Variants in CSPG4 observed in about 807,000 individuals in gnomAD.
CSPG4 encodes chondroitin sulfate proteoglycan 4, also known as chondroitin sulfate proteoglycan 4 (melanoma-associated).
In CSPG4, 74 loss-of-function variants were observed where a neutral mutation model predicts 139.3. That is an observed-to-expected ratio of 0.53 (90% CI 0.44 to 0.64). CSPG4 has a LOEUF of 0.64. Among genes scored for constraint, CSPG4 ranks in the 30% least tolerant of loss-of-function variants. The pLI is 0.00. For missense variants in CSPG4, 2,565 were observed against 3,148.3 expected, an observed-to-expected ratio of 0.81 and a Z score of 4.43; for synonymous variants, 1,234 against 1,394.2, an observed-to-expected ratio of 0.89 and a Z score of 2.56.
intron 5 of CSPG4, among the ~76,000 whole-genome samples, chr15:75,683,859 A>G (rs1005630166): frequency 6.6e-6 from 1 of 152,068 alleles, no homozygotes; most frequent in African/African-American, 2.4e-5. Context: ...GCGGGGCAGG[A>G]CCCCAGCACT....
rs1894135219 is a variant in CSPG4 at position 75,689,890 on chromosome 15, T to C, written c.1175A>G (p.Tyr392Cys). 18 of 1,612,140 alleles carry C rather than the reference T, an allele frequency of 1.1e-5. No individual in the cohort carries two copies. The highest frequency in any genetic ancestry group is 1.3e-5 in the African/African-American group (1 of 74,934). The change falls in exon 3 of 10, where the codon TAT becomes TGT. Residue 392 changes from tyrosine to cysteine, a missense_variant. By Grantham distance (194) the Tyr-to-Cys change is radical. Around this residue, in one of 5 missense-constraint regions of CSPG4, gnomAD observed 2,316 missense variants for 2,818.2 expected, o/e 0.82. Transcript: ENST00000308508. ...GGTGGAGAAAGCTTCATAATGTCCA[T>C]AGGCATCGTCCTCATACTCCTCCTC... ...LEEEEYEDDA[Y>C]GHYEAFSTLA...
At position 75,677,023 on chromosome 15, in the gene CSPG4, G is replaced by A; in HGVS notation, c.5496C>T (p.Pro1832=). 1 of 1,437,474 alleles carries A rather than the reference G, an allele frequency of 7.0e-7. No individual in the cohort carries two copies. Among genetic ancestry groups the A allele is most frequent in the South Asian group, 1.5e-5 (1 of 65,772 alleles). 89.0% of individuals were successfully genotyped at this position (1,437,474 alleles called of 1,614,324 possible). A position where few individuals can be genotyped will look rare whatever the true frequency, so the allele number is the denominator to read the frequency against. ...AITVRDVNER[P]PQPQASVPLR... is the part of the protein sequence containing the mutation. ...GTGGGACAGAGGCCTGTGGCTGAGG[G>A]GGCCGCTCATTTACATCCCTCACCG... The change falls in exon 10 of 10, where the codon CCC becomes CCT. Residue 1832 remains proline, a synonymous_variant. Coordinates refer to ENST00000308508, the MANE Select transcript of CSPG4 (RefSeq NM_001897.5).
In CSPG4 at chr15:75,683,024, A is replaced by G. The variant is rs1200267238; in HGVS notation, c.4467T>C (p.Thr1489=). ...TCAGAGCCTCCGCAGGGATGGGCGC[A>G]GTGGCCCCCTCCCACATCTGGGAAC... ...NTGLQMWEGA[T]APIPAEALRS... Residue 1489 remains threonine, a synonymous_variant, in exon 6 of 10, where the codon ACT becomes ACC. Transcript: ENST00000308508. 3 of 1,610,446 alleles carry G rather than the reference A, an allele frequency of 1.9e-6. No individual in the cohort carries two copies. The East Asian group carries it at 6.7e-5, about 36-fold the overall frequency.
chr15:75,700,092 A>C (rs1596012577), intron 1 of CSPG4, among the ~76,000 whole-genome samples: 1 of 152,066 alleles, frequency 6.6e-6, no homozygotes, highest in East Asian at 1.9e-4. Context: ...AGGCTCAGAG[A>C]GGGCAGTCCT....
intron 1 of CSPG4, among the ~76,000 whole-genome samples, chr15:75,709,325 G>A (rs1894414729): frequency 6.6e-6 from 1 of 152,148 alleles, no homozygotes; most frequent in Non-Finnish European, 1.5e-5. Context: ...CATGTTGGAG[G>A]CAAGAGGAGA....
chr15:75,712,906 C>A (rs182527515), upstream of CSPG4: 5 of 588,414 alleles, frequency 8.5e-6, no homozygotes, highest in Non-Finnish European at 1.4e-5. Flanking sequence ...CGCAGACCCG[C>A]GCGCCCGCTC....
In CSPG4 at chr15:75,709,727, T is replaced by C. The variant is rs535276192; in HGVS notation, c.88+2941A>G. Among the ~76,000 whole-genome samples, 1,509 of 152,154 alleles carry C rather than the reference T, an allele frequency of 9.9e-3. 24 individuals are homozygous for C. Among genetic ancestry groups the C allele is most frequent in the African/African-American group, 0.034 (1,428 of 41,490 alleles). On this transcript the variant is annotated intron_variant, in intron 1 of 9. Coordinates refer to ENST00000308508, the MANE Select transcript of CSPG4 (RefSeq NM_001897.5). ...CCAGACACAGCCTATACACTTCCTCTGAGAGCTCCACACGCACCCTACTCC... is the reference window on the plus strand; with the variant it reads ...CCAGACACAGCCTATACACTTCCTCCGAGAGCTCCACACGCACCCTACTCC...
Position 75,676,113 on chromosome 15 carries a change from CG to C in CSPG4, c.6405del (p.Gly2136AlafsTer80). The stretch of plus-strand genomic sequence containing the variant: ...AGAGTGAGACTGTCACCTGCGGGGC[CG>C]GGGGCCCTCCCCTCTGGCCTGCCCA... ...LEVGRPEGRA[P>X]GPAGDSLTLE... On this transcript the variant is annotated frameshift_variant, in exon 10 of 10. Transcript: ENST00000308508. LOFTEE classifies it high-confidence loss of function. The C allele has an allele frequency of 3.3e-6, 5 of 1,535,798 alleles. No homozygotes were observed. The highest frequency in any genetic ancestry group is 2.6e-6 in the Non-Finnish European group (3 of 1,145,296).
chr15:75,707,713 ATTGGG>A (rs1894392279), intron 1 of CSPG4, among the ~76,000 whole-genome samples: 1 of 152,220 alleles, frequency 6.6e-6, no homozygotes, highest in Non-Finnish European at 1.5e-5. Context: ...CTCTGCATGA[ATTGGG>A]GTGGGGCAGG....
rs143891745 is a variant in CSPG4 at position 75,702,445 on chromosome 15, C to T, written c.89-9212G>A. Among the ~76,000 whole-genome samples the T allele has an allele frequency of 7.3e-3, 1,117 of 152,374 alleles. 19 individuals carry two copies. The highest frequency in any genetic ancestry group is 0.02 in the South Asian group (96 of 4,832). ...GCGGCCCAGGGGGCTGTGCTGTTGT[C>T]ACCTCTCTCCATTTACACTGTGAGC... On this transcript the variant is annotated intron_variant, in intron 1 of 9. Coordinates refer to ENST00000308508, the MANE Select transcript of CSPG4 (RefSeq NM_001897.5).
chr15:75,711,025 C>T lies in CSPG4; in HGVS notation c.88+1643G>A, dbSNP rs185301238. Among the ~76,000 whole-genome samples the T allele has an allele frequency of 1.1e-3, 167 of 152,362 alleles. 1 individual carries two copies. Among genetic ancestry groups the T allele is most frequent in the African/African-American group, 3.8e-3 (159 of 41,582 alleles). On this transcript the variant is annotated intron_variant, in intron 1 of 9. Transcript: ENST00000308508. ...CCAGTGGTTCTCCCTGGCCTGTGCT[C>T]GAAATACGCCTCCCAGCCAGGCTGC...
Position 75,688,378 on chromosome 15 carries a change from T to A in CSPG4, c.2687A>T (p.Asp896Val). 1 of 1,613,328 alleles carries A rather than the reference T, an allele frequency of 6.2e-7. No individual in the cohort carries two copies. Among genetic ancestry groups the A allele is most frequent in the East Asian group, 2.2e-5 (1 of 44,884 alleles). The change falls in exon 3 of 10, where the codon GAC becomes GTC. Residue 896 changes from aspartate (D) to valine (V), a missense_variant. By Grantham distance (152) the Asp-to-Val change is radical. Transcript: ENST00000308508. Reference sequence around the variant, plus strand: ...ATTGGTGAGGACAGGCGCATCTGGGTCACCACCAATGTGGATGGGGAAGGT... The same window carrying A: ...ATTGGTGAGGACAGGCGCATCTGGGACACCACCAATGTGGATGGGGAAGGT... The part of the protein sequence containing the change: ...LYTFPIHIGG[D>V]PDAPVLTNVL...
rs745673536 is a variant in CSPG4 at position 75,676,624 on chromosome 15, C to T, written c.5895G>A (p.Gln1965=). 7 of 1,605,980 alleles carry T rather than the reference C, an allele frequency of 4.4e-6. No homozygotes were observed. Among genetic ancestry groups the T allele is most frequent in the Non-Finnish European group, 6.0e-6 (7 of 1,175,652 alleles). ...ALGRSSLSQQ[Q]LRVVSDREEP... ...CCTCCCGATCTGAAACCACCCGGAGCTGCTGCTGGCTCAGTGAGGAGCGCC... is the reference window on the plus strand; with the variant it reads ...CCTCCCGATCTGAAACCACCCGGAGTTGCTGCTGGCTCAGTGAGGAGCGCC... Residue 1965 remains glutamine, a synonymous_variant, in exon 10 of 10, where the codon CAG becomes CAA. Transcript: ENST00000308508.
intron 9 of CSPG4, 24 bp from the exon 10 acceptor site, chr15:75,677,408 A>T (rs1893909954): frequency 2.6e-5 from 37 of 1,410,688 alleles, no homozygotes; most frequent in Non-Finnish European, 3.4e-5. Flanking sequence ...ATAGGCTATG[A>T]GGGTCCAGCC....
intron 1 of CSPG4, among the ~76,000 whole-genome samples, chr15:75,706,341 G>A (rs1470023493): frequency 2.6e-5 from 4 of 152,156 alleles, no homozygotes; most frequent in Non-Finnish European, 4.4e-5. Context: ...CTGCTGGCTC[G>A]GGGCAGGACA....
rs1302338765 is a variant in CSPG4 at position 75,682,957 on chromosome 15, T to C, written c.4534A>G (p.Thr1512Ala). ...CGCCCGTTGCTGGGCTGCTCGATGG[T>C]GTAGACCAGATCCTCAGACCCAGAG... ...GDSGSEDLVY[T>A]IEQPSNGRVV... Residue 1512 changes from threonine (T) to alanine (A), a missense_variant, in exon 6 of 10, where the codon ACC becomes GCC. Thr to Ala is a moderately conservative substitution (Grantham distance 58, BLOSUM62 0). Transcript: ENST00000308508. 1 of 1,611,560 alleles carries C rather than the reference T, an allele frequency of 6.2e-7. No homozygotes were observed. Among genetic ancestry groups the C allele is most frequent in the Non-Finnish European group, 8.5e-7 (1 of 1,179,684 alleles).
At chr15:75,712,880 C>T (rs1007837484), upstream of CSPG4, 6 of 748,166 alleles carry the variant, frequency 8.0e-6, no homozygotes, top group African/African-American at 1.9e-5. Context: ...GCACTTAACT[C>T]CGGGGGCGGG....
chr15:75,712,258 T>C (rs1181287511), intron 1 of CSPG4, among the ~76,000 whole-genome samples: 1 of 151,480 alleles, frequency 6.6e-6, no homozygotes, highest in African/African-American at 2.4e-5. Context: ...CCAGGGCATC[T>C]GAAGCTGGAG....
Position 75,688,378 on chromosome 15 carries a change from T to C in CSPG4, c.2687A>G (p.Asp896Gly). ...ATTGGTGAGGACAGGCGCATCTGGG[T>C]CACCACCAATGTGGATGGGGAAGGT... is the stretch of plus-strand genomic sequence containing the variant. ...LYTFPIHIGG[D>G]PDAPVLTNVL... The change falls in exon 3 of 10, where the codon GAC becomes GGC. Residue 896 changes from aspartate to glycine, a missense_variant. This residue lies in a region of CSPG4 where 2,316 missense variants were observed against 2,818.2 expected (regional missense o/e 0.82). Transcript: ENST00000308508. The C allele has an allele frequency of 6.2e-7, 1 of 1,613,328 alleles. No homozygotes were observed. Among genetic ancestry groups the C allele is most frequent in the Non-Finnish European group, 8.5e-7 (1 of 1,180,028 alleles).
Sources: gnomAD v4.1 joint callset for allele counts (sites outside exome capture counted in the v4.1 genomes callset) on GRCh38, gnomAD v4.1.1 for gene constraint, gnomAD v4.1.1 regional missense constraint, MANE v1.5 for transcripts, NCBI Gene and HGNC (gene_info 2026-07-23, HGNC 2026-07-21) for gene names.